Variants in MCFD2 observed in about 807,000 individuals in gnomAD.
The protein encoded by MCFD2 is multiple coagulation factor deficiency 2, ER cargo receptor complex subunit.
A neutral mutation model predicts 12.8 loss-of-function variants in MCFD2; 11 were observed. That is an observed-to-expected ratio of 0.86 (90% CI 0.54 to 1.42). MCFD2 has a LOEUF of 1.42. MCFD2 is among the 40% of genes most tolerant of loss of function. MCFD2 has a pLI of 0.00. For missense variants in MCFD2, 191 were observed against 178.6 expected (o/e 1.07, Z -0.40); for synonymous variants, 70 against 68.1 (o/e 1.03, Z -0.14).
rs1341335604 is a variant in MCFD2, at chr2:46,941,755, C to T, written c.-191G>A. Reference sequence around the variant, plus strand: ...GTAAGGGAAGAGGCTGGCTCGCCGGCAGCGAGCGCGCGAAACGCACCGCCT... The same window carrying T: ...GTAAGGGAAGAGGCTGGCTCGCCGGTAGCGAGCGCGCGAAACGCACCGCCT... On this transcript the variant is annotated 5_prime_UTR_variant, in exon 1 of 3. Coordinates refer to the MCFD2 transcript ENST00000409147. The surrounding 1 kb of genome is among the most constrained non-coding windows in gnomAD (Gnocchi z 4.2). The T allele has an allele frequency of 2.6e-6, 4 of 1,547,004 alleles. No homozygotes were observed. The highest frequency in any genetic ancestry group is 2.4e-5 in the East Asian group (1 of 40,840).
upstream of MCFD2, chr2:46,917,110 T>A: frequency 1.4e-6 from 1 of 692,240 alleles, no homozygotes; most frequent in East Asian, 2.7e-5. Context: ...CCCACCTTCA[T>A]CTGAGATTGA....
Position 46,941,391 on chromosome 2 carries a change from C to A in MCFD2, c.-8+181G>T. The A allele has an allele frequency of 1.6e-6, 1 of 635,258 alleles. No individual in the cohort carries two copies. Among genetic ancestry groups the A allele is most frequent in the Non-Finnish European group, 2.1e-6 (1 of 469,166 alleles). The allele number at this position is 635,258 out of a possible 1,614,324, so 39.4% of individuals were successfully genotyped here. ...GCTGCTGCTGCTGCTGCTGCCCACC[C>A]TCCGCCGCCCGGGCCCCCGCTGCCG... On this transcript the variant is annotated intron_variant, in intron 1 of 2. Transcript: ENST00000409147. The surrounding 1 kb of genome is among the most constrained non-coding windows in gnomAD (Gnocchi z 4.2).
chr2:46,931,692 TAATAAATA>T lies in MCFD2; in HGVS notation c.-8+9872_-8+9879del, dbSNP rs10524721. On this transcript the variant is annotated intron_variant, in intron 1 of 2. Coordinates refer to the MCFD2 transcript ENST00000409147. ...TGGGGGAAAAAACAAAAACAGACAATAATAAATAAATAAATAAATAAATAAATAAATAA... is the reference window on the plus strand; with the variant it reads ...TGGGGGAAAAAACAAAAACAGACAATAATAAATAAATAAATAAATAAATAA... Among the ~76,000 whole-genome samples the T allele has an allele frequency of 5.1e-3, 758 of 148,642 alleles. 4 individuals carry two copies. The highest frequency in any genetic ancestry group is 7.8e-3 in the Non-Finnish European group (526 of 67,432).
At position 46,941,459 on chromosome 2, in the gene MCFD2, G is replaced by A; in HGVS notation, c.-8+113C>T. ...GTCTGCGCCCCCGTCGACCCCGCCC[G>A]CGAGTGCGCCCCAGCCAGGACGCCG... On this transcript the variant is annotated intron_variant, in intron 1 of 2. Coordinates refer to the MCFD2 transcript ENST00000409147. This position sits in a 1 kb window ranked among gnomAD's most constrained non-coding sequence, Gnocchi z 4.2. 32 of 1,426,234 alleles carry A rather than the reference G, an allele frequency of 2.2e-5. No homozygotes were observed. Among genetic ancestry groups the A allele is most frequent in the Non-Finnish European group, 2.9e-5 (31 of 1,076,934 alleles). The allele number at this position is 1,426,234 out of a possible 1,614,324, so 88.3% of individuals were successfully genotyped here.
intron 1 of MCFD2, among the ~76,000 whole-genome samples, chr2:46,913,392 AAGAG>A (rs371469358): frequency 7.3e-5 from 11 of 151,334 alleles, no homozygotes; most frequent in East Asian, 1.9e-4. Flanking sequence ...TAATTAGAAA[AAGAG>A]AGAGAGAGAG....
chr2:46,934,787 CTTTTTTTTTTTTTTTTT>C (rs1161003607), intron 1 of MCFD2, among the ~76,000 whole-genome samples: 9 of 66,916 alleles, frequency 1.3e-4, no homozygotes, highest in African/African-American at 3.9e-4. Context: ...GACTACTGCT[CTTTTTTTTTTTTTTTTT>C]TTTTTTTTTT....
chr2:46,932,936 A>T (rs1193813117), intron 1 of MCFD2, among the ~76,000 whole-genome samples: 1 of 151,920 alleles, frequency 6.6e-6, no homozygotes, highest in Non-Finnish European at 1.5e-5. Flanking sequence ...GCAAAGATAT[A>T]TTTTAAGGCT....
chr2:46,928,351 A>G (rs1669508828), intron 1 of MCFD2, among the ~76,000 whole-genome samples: 1 of 151,472 alleles, frequency 6.6e-6, no homozygotes, highest in South Asian at 2.1e-4. Context: ...AGGATCAACT[A>G]TGTCCTCCAC....
rs1032097260 is a variant in MCFD2, at chr2:46,905,270, G to C, written c.*193C>G. 1 of 642,298 alleles carries C rather than the reference G, an allele frequency of 1.6e-6. No homozygotes were observed. The highest frequency in any genetic ancestry group is 2.8e-6 in the Non-Finnish European group (1 of 354,738). The allele number at this position is 642,298 out of a possible 1,614,324, so 39.8% of individuals were successfully genotyped here. On this transcript the variant is annotated 3_prime_UTR_variant, in exon 4 of 4. Transcript: ENST00000319466. ...AATAAGGTATTTAATAGCACTTAGG[G>C]ACTATTAGATGTCCCATTTCTCTTC...
chr2:46,905,023 A>C lies in MCFD2; in HGVS notation c.*440T>G, dbSNP rs1232089115. 3 of 278,686 alleles carry C rather than the reference A, an allele frequency of 1.1e-5. No homozygotes were observed. The highest frequency in any genetic ancestry group is 4.0e-5 in the South Asian group (1 of 24,884). 17.3% of individuals were successfully genotyped at this position (278,686 alleles called of 1,614,324 possible). A position where few individuals can be genotyped will look rare whatever the true frequency, so the allele number is the denominator to read the frequency against. ...TCTTGTGATAGTGAATAAGTTTCACAAGATCTGATGGCTTATCAGGGGTTT... is the reference window on the plus strand; with the variant it reads ...TCTTGTGATAGTGAATAAGTTTCACCAGATCTGATGGCTTATCAGGGGTTT... On this transcript the variant is annotated 3_prime_UTR_variant, in exon 4 of 4. Coordinates refer to ENST00000319466, the MANE Select transcript of MCFD2 (RefSeq NM_139279.6).
At position 46,915,516 on chromosome 2, in the gene MCFD2, C is replaced by T. The variant is rs142469844; in HGVS notation, c.-7+207G>A. 3.7e-3 allele frequency among the ~76,000 whole-genome samples: 562 copies of T among 152,288 alleles called. 2 individuals carry two copies. The highest frequency in any genetic ancestry group is 0.013 in the African/African-American group (543 of 41,572). On this transcript the variant is annotated intron_variant, in intron 1 of 3. Coordinates refer to ENST00000319466, the MANE Select transcript of MCFD2 (RefSeq NM_139279.6). ...GGGCGGAGATCTGCCCAGTCGGCCC[C>T]GTCTGGCTCCAGAGCCCCCGGTGGG...
In MCFD2 at chr2:46,940,428, C is replaced by CG. The variant is rs1558486830; in HGVS notation, c.-8+1143_-8+1144insC. ...CCGGGCCCCTGTAAGAGGTCTCCCC[C>CG]CAAGGGTGGACCTCGGCTGCCCCCG... On this transcript the variant is annotated intron_variant, in intron 1 of 2. Transcript: ENST00000409147. This position sits in a 1 kb window ranked among gnomAD's most constrained non-coding sequence, Gnocchi z 4.7. 6.6e-6 allele frequency among the ~76,000 whole-genome samples: 1 copy of CG among 152,178 alleles called. No individual in the cohort carries two copies. The highest frequency in any genetic ancestry group is 2.4e-5 in the African/African-American group (1 of 41,450).
At chr2:46,917,297 C>A (rs986932817), upstream of MCFD2, 2 of 655,490 alleles carry the variant, frequency 3.1e-6, no homozygotes, top group African/African-American at 3.7e-5. Flanking sequence ...CGCGCCGGGA[C>A]AAAGAATCCC....
At position 46,908,957 on chromosome 2, in the gene MCFD2, CT is replaced by C. The variant is rs1418688443; in HGVS notation, c.149+65del. ...GAAGGAAAGGAGGACTGAGCATGCC[CT>C]TGCCGCTGGCTCAGCTGCAGATGAT... On this transcript the variant is annotated intron_variant, in intron 2 of 3. Transcript: ENST00000319466. The surrounding 1 kb of genome is among the most constrained non-coding windows in gnomAD (Gnocchi z 4.5). The C allele has an allele frequency of 6.3e-7, 1 of 1,597,368 alleles. No homozygotes were observed. Among genetic ancestry groups the C allele is most frequent in the Non-Finnish European group, 8.6e-7 (1 of 1,164,838 alleles).
chr2:46,917,048 G>A (rs1045127615), upstream of MCFD2: 24 of 606,146 alleles, frequency 4.0e-5, 1 homozygote, highest in Middle Eastern at 8.8e-4. Context: ...TAAGTAGTTA[G>A]ATGCCTTGAA....
rs1343286879 is a variant in MCFD2 at position 46,903,032 on chromosome 2, A to G, written c.*2431T>C. ...ATGGTTTGGTTGTGTCCCCCCACAA[A>G]TCTCAACTTGAATTGTATCTCCCAG... is the stretch of plus-strand genomic sequence containing the variant. On this transcript the variant is annotated 3_prime_UTR_variant, in exon 4 of 4. Coordinates refer to ENST00000319466, the MANE Select transcript of MCFD2 (RefSeq NM_139279.6). The G allele has an allele frequency of 6.6e-6, 1 of 152,216 alleles. No homozygotes were observed. Among genetic ancestry groups the G allele is most frequent in the East Asian group, 1.9e-4 (1 of 5,200 alleles). The allele number at this position is 152,216 out of a possible 1,614,324, so 9.4% of individuals were successfully genotyped here.
intron 1 of MCFD2, among the ~76,000 whole-genome samples, chr2:46,931,602 A>C (rs559315572): frequency 9.8e-5 from 15 of 152,286 alleles, no homozygotes; most frequent in South Asian, 2.1e-4. Context: ...TCACCAGCCA[A>C]GGAATGCAGT....
At chr2:46,927,981 C>T (rs1031524142) in intron 1 of MCFD2, among the ~76,000 whole-genome samples, 4 of 137,352 alleles carry the variant, frequency 2.9e-5, no homozygotes, top group Non-Finnish European at 4.6e-5. Context: ...GCAGCCTCAA[C>T]TTCCTGGGCT....
upstream of MCFD2, among the ~76,000 whole-genome samples, chr2:46,918,548 A>ATCCTG (rs1668938515): frequency 6.6e-6 from 1 of 152,226 alleles, no homozygotes; most frequent in Non-Finnish European, 1.5e-5. Flanking sequence ...CAGGCAAATA[A>ATCCTG]TTTGGTACCA....
Sources: allele counts gnomAD v4.1 joint callset (sites outside exome capture counted in the v4.1 genomes callset), GRCh38; gene constraint gnomAD v4.1.1; non-coding constraint Gnocchi (gnomAD v3.1); transcripts MANE v1.5; gene names NCBI Gene and HGNC (gene_info 2026-07-23, HGNC 2026-07-21).